Variants in DOCK11 observed in about 807,000 individuals in gnomAD.
The protein encoded by DOCK11 is dedicator of cytokinesis 11.
DOCK11 carries 70 observed loss-of-function variants against 169.1 expected under a neutral mutation model. That is an observed-to-expected ratio of 0.41 (90% CI 0.34 to 0.51). The LOEUF (loss-of-function observed/expected upper bound fraction) is 0.51, where lower values mean the gene tolerates loss of function less well. DOCK11 is among the 20% of genes least tolerant of loss of function. The pLI is 0.10. For missense variants in DOCK11, 1,166 were observed against 1,538.8 expected (o/e 0.76, Z 4.05); for synonymous variants, 529 against 541.3 (o/e 0.98, Z 0.32).
At chrX:118,509,918 G>A (rs958858694) in intron 1 of DOCK11, among the ~76,000 whole-genome samples, 1 of 111,416 alleles carries the variant, frequency 9.0e-6, no homozygotes, top group African/African-American at 3.3e-5. Flanking sequence ...ATGACTGGTC[G>A]AGTCTTTCTC....
chrX:118,618,815 G>A (rs2014888860), intron 31 of DOCK11, 87 bp downstream of exon 31: 1 of 787,327 alleles, frequency 1.3e-6, no homozygotes, highest in East Asian at 3.6e-5. Flanking sequence ...GTAGCAAGGA[G>A]CATTATATAA....
At chrX:118,647,627 T>A (rs1356788635) in intron 40 of DOCK11, among the ~76,000 whole-genome samples, 13 of 60,472 alleles carry the variant, frequency 2.1e-4, no homozygotes, top group Non-Finnish European at 2.7e-4. Context: ...ATAAGATATA[T>A]TATATGTTAA....
At chrX:118,549,469 C>T (rs1342749717) in intron 6 of DOCK11, among the ~76,000 whole-genome samples, 1 of 111,324 alleles carries the variant, frequency 9.0e-6, no homozygotes, top group East Asian at 2.8e-4. Context: ...AAAATCTCTA[C>T]CAAACATCAG....
At chrX:118,645,069 C>T (rs1040176329) in intron 40 of DOCK11, among the ~76,000 whole-genome samples, 1 of 111,789 alleles carries the variant, frequency 8.9e-6, no homozygotes, top group Non-Finnish European at 1.9e-5. Flanking sequence ...ATCATCAGTC[C>T]ACTGACAGTA....
intron 14 of DOCK11, among the ~76,000 whole-genome samples, chrX:118,581,293 A>G (rs1416465792): frequency 9.0e-6 from 1 of 111,478 alleles, no homozygotes; most frequent in Non-Finnish European, 1.9e-5. Flanking sequence ...CTCAAAATGT[A>G]TTGTATGTTG....
chrX:118,679,074 G>A (rs1055597593), intron 48 of DOCK11, among the ~76,000 whole-genome samples: 1 of 110,279 alleles, frequency 9.1e-6, no homozygotes, highest in Non-Finnish European at 1.9e-5. Flanking sequence ...CTACAGGTGT[G>A]TTACCACCAT....
At chrX:118,681,627 A>T (rs2016745399) in intron 50 of DOCK11, 67 bp from the exon 51 acceptor site, 1 of 830,815 alleles carries the variant, frequency 1.2e-6, no homozygotes. Flanking sequence ...AAAAAAGAGA[A>T]ATGCCAAAAC....
chrX:118,657,136 T>C (rs1007805868), intron 44 of DOCK11, among the ~76,000 whole-genome samples: 1 of 111,779 alleles, frequency 8.9e-6, no homozygotes, highest in African/African-American at 3.2e-5. Flanking sequence ...TTTAGAAATA[T>C]AATTTCTTGC....
chrX:118,668,730 G>T (rs886780259), intron 45 of DOCK11, among the ~76,000 whole-genome samples: 2 of 111,218 alleles, frequency 1.8e-5, no homozygotes, highest in African/African-American at 6.5e-5. Context: ...CAAAAAAGTA[G>T]TGAAATAGAA....
chrX:118,609,791 A>G (rs1219573096), intron 27 of DOCK11, among the ~76,000 whole-genome samples: 1 of 112,473 alleles, frequency 8.9e-6, no homozygotes, highest in Non-Finnish European at 1.9e-5. Flanking sequence ...TGATGTATAC[A>G]TTTTGTTGTA....
At chrX:118,498,941 C>T (rs2057555551) in intron 1 of DOCK11, among the ~76,000 whole-genome samples, 1 of 111,279 alleles carries the variant, frequency 9.0e-6, no homozygotes, top group African/African-American at 3.3e-5. Flanking sequence ...TAACTAACTA[C>T]ATAATAAAGC....
chrX:118,532,408 A>G (rs981110620), intron 1 of DOCK11, among the ~76,000 whole-genome samples: 1 of 110,974 alleles, frequency 9.0e-6, no homozygotes, highest in African/African-American at 3.3e-5. Context: ...GAACGGTAAA[A>G]TTCAGGGCAT....
chrX:118,564,542 C>T (rs2013013545), intron 7 of DOCK11, among the ~76,000 whole-genome samples: 1 of 112,085 alleles, frequency 8.9e-6, no homozygotes, highest in Non-Finnish European at 1.9e-5. Flanking sequence ...TGGTATTCAG[C>T]ACAGGTTACT....
intron 1 of DOCK11, among the ~76,000 whole-genome samples, chrX:118,539,135 C>T (rs183132675): frequency 4.0e-4 from 44 of 111,340 alleles, no homozygotes; most frequent in Non-Finnish European, 7.4e-4. Context: ...CTACCCCTGA[C>T]AAAAAAAGTA....
intron 14 of DOCK11, among the ~76,000 whole-genome samples, chrX:118,580,568 C>T (rs1569421753): frequency 8.9e-6 from 1 of 112,049 alleles, no homozygotes; most frequent in South Asian, 3.7e-4. Flanking sequence ...CCACCCGCCT[C>T]GGCCTCCCAA....
intron 44 of DOCK11, among the ~76,000 whole-genome samples, chrX:118,662,395 G>T (rs943892924): frequency 1.8e-5 from 2 of 112,197 alleles, no homozygotes; most frequent in East Asian, 5.5e-4. Context: ...AAATAAAAAT[G>T]TTTAGATTGC....
chrX:118,628,685 A>G (rs190290006), intron 34 of DOCK11, among the ~76,000 whole-genome samples: 35 of 112,280 alleles, frequency 3.1e-4, no homozygotes, highest in Non-Finnish European at 7.5e-5. Context: ...AAAATTGACA[A>G]TCTTAGGGTC....
At chrX:118,597,934 A>T in intron 21 of DOCK11, 96 bp from the exon 22 acceptor site, 1 of 628,450 alleles carries the variant, frequency 1.6e-6, no homozygotes, top group Non-Finnish European at 2.4e-6. Flanking sequence ...AAATTAATAC[A>T]TTCATTTCTG....
At chrX:118,644,937 A>G (rs1485116414) in intron 40 of DOCK11, among the ~76,000 whole-genome samples, 1 of 112,030 alleles carries the variant, frequency 8.9e-6, no homozygotes, top group Non-Finnish European at 1.9e-5. Flanking sequence ...TGTCAAAGGC[A>G]GTAAAAAGAC....
Sources: allele counts gnomAD v4.1 joint callset (sites outside exome capture counted in the v4.1 genomes callset), GRCh38; gene constraint gnomAD v4.1.1; transcripts MANE v1.5; gene names NCBI Gene and HGNC (gene_info 2026-07-23, HGNC 2026-07-21).